The following RAB3C variants were observed in gnomAD, a reference collection of about 807,000 sequenced individuals.
RAB3C encodes RAB3C, member RAS oncogene family.
In RAB3C, 17 loss-of-function variants were observed where a neutral mutation model predicts 26.4. The observed-to-expected ratio is 0.64, with a 90% CI of 0.44 to 0.97. RAB3C has a LOEUF of 0.97. Among genes scored for constraint, RAB3C ranks in the 50% least tolerant of loss-of-function variants. The pLI is 0.00. For synonymous variants in RAB3C, 91 were observed against 95.9 expected, an observed-to-expected ratio of 0.95 and a Z score of 0.30; for missense variants, 242 against 281.9, an observed-to-expected ratio of 0.86 and a Z score of 1.01.
chr5:58,806,222 A>G (rs570064669), intron 3 of RAB3C, among the ~76,000 whole-genome samples: 1 of 152,282 alleles, frequency 6.6e-6, no homozygotes, highest in Admixed American at 6.5e-5. Flanking sequence ...TATTTTACTA[A>G]ACAGTAAAAT....
rs1057501232 is a variant in RAB3C at position 58,704,422 on chromosome 5, T to C, written c.253-21580T>C. Among the ~76,000 whole-genome samples the C allele has an allele frequency of 2.6e-5, 4 of 152,304 alleles. No individual in the cohort carries two copies. The East Asian group carries it at 7.7e-4, about 29-fold the overall frequency. ...GCTAGACTTCCAAATTAAAGGACTC[T>C]GATAGAATAAACTGCATCAATATCT... On this transcript the variant is annotated intron_variant, in intron 2 of 4. Coordinates refer to ENST00000282878, the MANE Select transcript of RAB3C (RefSeq NM_138453.4).
At chr5:58,689,116 A>C (rs1315711406) in intron 2 of RAB3C, 1 of 152,140 alleles carries the variant, frequency 6.6e-6, no homozygotes, top group East Asian at 1.9e-4. Flanking sequence ...GCCTAGAGAG[A>C]TAGAAGTAAC....
At chr5:58,831,831 A>G (rs2112068373) in intron 4 of RAB3C, among the ~76,000 whole-genome samples, 1 of 152,290 alleles carries the variant, frequency 6.6e-6, no homozygotes, top group East Asian at 1.9e-4. Flanking sequence ...TAGAAGGAAG[A>G]CTAGATATAG....
intron 3 of RAB3C, chr5:58,784,908 TC>T (rs1457132628): frequency 6.6e-6 from 1 of 152,226 alleles, no homozygotes; most frequent in African/African-American, 2.4e-5. Flanking sequence ...TTATGGCTTA[TC>T]CATGTGTCTG....
In RAB3C at chr5:58,858,608, A is replaced by G. The variant is rs558374888; in HGVS notation, c.*7257A>G. ...GAAGAGGTCAAACATAATTCCGGAAAGAATTAGGTAGTGAGGAGATTGTGC... is the reference window on the plus strand; with the variant it reads ...GAAGAGGTCAAACATAATTCCGGAAGGAATTAGGTAGTGAGGAGATTGTGC... On this transcript the variant is annotated 3_prime_UTR_variant, in exon 5 of 5. Coordinates refer to ENST00000282878, the MANE Select transcript of RAB3C (RefSeq NM_138453.4). 154 of 152,344 alleles carry G rather than the reference A, an allele frequency of 1.0e-3. No homozygotes were observed. The highest frequency in any genetic ancestry group is 3.4e-3 in the Middle Eastern group (1 of 294). 9.4% of individuals were successfully genotyped at this position (152,344 alleles called of 1,614,324 possible).
intron 2 of RAB3C, among the ~76,000 whole-genome samples, chr5:58,721,248 CAAA>C (rs61668251): frequency 5.7e-4 from 61 of 106,558 alleles, no homozygotes; most frequent in Admixed American, 3.0e-4. Context: ...ATTTTTTTTT[CAAA>C]AAAAAAAAAA....
intron 3 of RAB3C, among the ~76,000 whole-genome samples, chr5:58,751,485 A>C (rs1741523455): frequency 6.6e-6 from 1 of 152,184 alleles, no homozygotes; most frequent in Non-Finnish European, 1.5e-5. Flanking sequence ...TTATAGATAG[A>C]TTAGGGTCAA....
intron 3 of RAB3C, among the ~76,000 whole-genome samples, chr5:58,799,823 A>G (rs1742764158): frequency 6.6e-6 from 1 of 152,210 alleles, no homozygotes; most frequent in Non-Finnish European, 1.5e-5. Context: ...AACCTAGGAG[A>G]TAAGAGAAGA....
intron 4 of RAB3C, among the ~76,000 whole-genome samples, chr5:58,841,021 G>T (rs142568308): frequency 9.2e-4 from 140 of 152,334 alleles, no homozygotes; most frequent in Non-Finnish European, 1.8e-3. Flanking sequence ...CTGGGGGTAT[G>T]CCCACCAGGG....
At chr5:58,588,143 C>T (rs1027118483) in intron 1 of RAB3C, among the ~76,000 whole-genome samples, 2 of 152,018 alleles carry the variant, frequency 1.3e-5, no homozygotes, top group African/African-American at 4.8e-5. Flanking sequence ...TTTGGGGATA[C>T]TAAGAATAAG....
At chr5:58,667,113 C>T (rs982375578) in intron 2 of RAB3C, among the ~76,000 whole-genome samples, 2 of 152,164 alleles carry the variant, frequency 1.3e-5, no homozygotes, top group African/African-American at 4.8e-5. Flanking sequence ...AACAGAACCA[C>T]CATATCATAT....
chr5:58,814,488 G>T (rs1026678542), intron 3 of RAB3C, among the ~76,000 whole-genome samples: 1 of 152,178 alleles, frequency 6.6e-6, no homozygotes, highest in Non-Finnish European at 1.5e-5. Flanking sequence ...AAGCCTGATT[G>T]CCTTCCCACT....
At chr5:58,760,872 AT>A (rs1187623633) in intron 3 of RAB3C, among the ~76,000 whole-genome samples, 2 of 152,200 alleles carry the variant, frequency 1.3e-5, no homozygotes, top group Admixed American at 1.3e-4. Flanking sequence ...AGGTCAAATG[AT>A]TAGCACTGTA....
At chr5:58,664,855 A>T (rs1490258939) in intron 2 of RAB3C, among the ~76,000 whole-genome samples, 1 of 151,934 alleles carries the variant, frequency 6.6e-6, no homozygotes, top group East Asian at 1.9e-4. Flanking sequence ...TTCCCAGCTC[A>T]TTTCCTACTA....
At chr5:58,709,524 T>C (rs563860369) in intron 2 of RAB3C, among the ~76,000 whole-genome samples, 10 of 152,288 alleles carry the variant, frequency 6.6e-5, no homozygotes, top group Non-Finnish European at 1.0e-4. Context: ...TGAATGAAGA[T>C]GTATAAAATG....
intron 3 of RAB3C, among the ~76,000 whole-genome samples, chr5:58,737,437 ATATATATATAT>A (rs1561305232): frequency 0.11 from 8,954 of 82,026 alleles, 1,010 homozygotes; most frequent in Admixed American, 0.15. Context: ...ATATATATAT[ATATATATATAT>A]AATTTACTTG....
In RAB3C at chr5:58,662,221, G is replaced by C. The variant is rs1018264825; in HGVS notation, c.252+44351G>C. Among the ~76,000 whole-genome samples the C allele has an allele frequency of 4.0e-5, 6 of 150,136 alleles. 1 individual carries two copies. The highest frequency in any genetic ancestry group is 1.0e-4 in the African/African-American group (4 of 39,498). ...TCTGGAAGGGGCAAAATTGTAGATAGAGCAGAGAAAGCAGAGCTGACTGCT... is the reference window on the plus strand; with the variant it reads ...TCTGGAAGGGGCAAAATTGTAGATACAGCAGAGAAAGCAGAGCTGACTGCT... On this transcript the variant is annotated intron_variant, in intron 2 of 4. Transcript: ENST00000282878.
intron 1 of RAB3C, among the ~76,000 whole-genome samples, chr5:58,595,719 A>T (rs1252090132): frequency 6.6e-6 from 1 of 152,306 alleles, no homozygotes; most frequent in East Asian, 1.9e-4. Context: ...GTACCCTAAA[A>T]GTATTTCATT....
chr5:58,720,482 G>A (rs1285600841), intron 2 of RAB3C, among the ~76,000 whole-genome samples: 1 of 151,816 alleles, frequency 6.6e-6, no homozygotes, highest in Non-Finnish European at 1.5e-5. Flanking sequence ...AACTAGGTAT[G>A]AATTAAGAGA....
Sources: allele counts gnomAD v4.1 joint callset (sites outside exome capture counted in the v4.1 genomes callset), GRCh38; gene constraint gnomAD v4.1.1; transcripts MANE v1.5; gene names NCBI Gene and HGNC (gene_info 2026-07-23, HGNC 2026-07-21).